Variants in DPP10 observed in about 807,000 individuals in gnomAD.
DPP10 encodes the protein dipeptidyl peptidase like 10.
Under a neutral mutation model 120.9 loss-of-function variants are expected in DPP10, and 33 were observed. The ratio of observed to expected loss-of-function variants is 0.27; its 90% CI spans 0.21 to 0.37. The LOEUF (loss-of-function observed/expected upper bound fraction) is 0.37. DPP10 is among the 10% of genes least tolerant of loss of function. DPP10 has a pLI of 1.00. For synonymous variants in DPP10, 337 were observed against 326.1 expected, an observed-to-expected ratio of 1.03 and a Z score of -0.36; for missense variants, 816 against 942.8, an observed-to-expected ratio of 0.87 and a Z score of 1.76.
intron 1 of DPP10, among the ~76,000 whole-genome samples, chr2:115,090,804 A>G (rs951656664): frequency 6.6e-6 from 1 of 151,950 alleles, no homozygotes; most frequent in Non-Finnish European, 1.5e-5. Flanking sequence ...GTCTCTGGTT[A>G]GAGGGCAGGT....
In DPP10 at chr2:115,844,505, G is replaced by A. The variant is rs919950265; in HGVS notation, c.*2160G>A. The A allele has an allele frequency of 1.3e-5, 2 of 152,378 alleles. No individual in the cohort carries two copies. The highest frequency in any genetic ancestry group is 2.4e-5 in the African/African-American group (1 of 41,432). 9.4% of individuals were successfully genotyped at this position (152,378 alleles called of 1,614,324 possible). A position where few individuals can be genotyped will look rare whatever the true frequency, so the allele number is the denominator to read the frequency against. On this transcript the variant is annotated 3_prime_UTR_variant, in exon 26 of 26. Coordinates refer to ENST00000410059, the MANE Select transcript of DPP10 (RefSeq NM_020868.6). ...ACCTCAAGTGAAAGCATATTGCTTAGTAGGAAGGTAGAAAATGTTAATCCC... is the reference window on the plus strand; with the variant it reads ...ACCTCAAGTGAAAGCATATTGCTTAATAGGAAGGTAGAAAATGTTAATCCC...
intron 1 of DPP10, among the ~76,000 whole-genome samples, chr2:114,815,630 C>G (rs1012059362): frequency 2.0e-5 from 3 of 152,196 alleles, no homozygotes; most frequent in Non-Finnish European, 4.4e-5. Context: ...GACCTTCTAA[C>G]AGTGGAATTT....
At chr2:115,039,944 C>T (rs1048736244) in intron 1 of DPP10, among the ~76,000 whole-genome samples, 2 of 151,684 alleles carry the variant, frequency 1.3e-5, no homozygotes, top group South Asian at 2.1e-4. Context: ...TTACATGGCC[C>T]ATACAGGAGG....
chr2:114,558,586 CA>C (rs1348781134), intron 1 of DPP10, among the ~76,000 whole-genome samples: 2 of 152,192 alleles, frequency 1.3e-5, no homozygotes, highest in Non-Finnish European at 2.9e-5. Flanking sequence ...TCTCTTCCAT[CA>C]AACAAAAAGC....
chr2:115,770,365 A>G (rs932955764), intron 13 of DPP10, among the ~76,000 whole-genome samples: 1 of 152,116 alleles, frequency 6.6e-6, no homozygotes, highest in Non-Finnish European at 1.5e-5. Flanking sequence ...AAAACTTAAT[A>G]AAGTTCTTAC....
chr2:114,477,328 C>A (rs187564349), intron 1 of DPP10, among the ~76,000 whole-genome samples: 1 of 152,076 alleles, frequency 6.6e-6, no homozygotes, highest in Admixed American at 6.6e-5. Context: ...TCCATACGTA[C>A]TTTTGGGTGT....
At chr2:115,249,164 G>A (rs947907315) in intron 1 of DPP10, among the ~76,000 whole-genome samples, 6 of 152,060 alleles carry the variant, frequency 3.9e-5, no homozygotes, top group East Asian at 1.9e-4. Context: ...GCACTGTGGC[G>A]ATACACAGAT....
chr2:114,964,366 T>C (rs1167934624), intron 1 of DPP10, among the ~76,000 whole-genome samples: 1 of 151,956 alleles, frequency 6.6e-6, no homozygotes, highest in African/African-American at 2.4e-5. Flanking sequence ...ACATTCAAAC[T>C]GGAGAAACGT....
intron 1 of DPP10, among the ~76,000 whole-genome samples, chr2:114,964,982 T>C (rs368915923): frequency 6.6e-6 from 1 of 152,120 alleles, no homozygotes; most frequent in East Asian, 1.9e-4. Context: ...ACTCAACAGG[T>C]TAGCTGGAGT....
At chr2:114,697,116 A>G (rs879885835) in intron 1 of DPP10, among the ~76,000 whole-genome samples, 1 of 152,094 alleles carries the variant, frequency 6.6e-6, no homozygotes, top group African/African-American at 2.4e-5. Context: ...GTCCTTCACT[A>G]ACACCTTTTT....
At chr2:115,097,016 T>C (rs1190460729) in intron 1 of DPP10, among the ~76,000 whole-genome samples, 1 of 152,180 alleles carries the variant, frequency 6.6e-6, no homozygotes, top group African/African-American at 2.4e-5. Flanking sequence ...TTGAGCAGAA[T>C]GACTGCCTAA....
Position 114,566,825 on chromosome 2 carries a change from G to A in DPP10, c.60+123987G>A, listed in dbSNP as rs142649804. Among the ~76,000 whole-genome samples the A allele has an allele frequency of 2.0e-5, 3 of 152,286 alleles. No homozygotes were observed. The East Asian group carries it at 5.8e-4, about 29-fold the overall frequency. ...CTTGGACAAGTTTTCCTCTGGAGCT[G>A]AGGCAGATTTCTTCTGTACAAAATT... On this transcript the variant is annotated intron_variant, in intron 1 of 25. Transcript: ENST00000410059.
At chr2:114,623,216 T>C (rs1052666344) in intron 1 of DPP10, among the ~76,000 whole-genome samples, 1 of 152,174 alleles carries the variant, frequency 6.6e-6, no homozygotes, top group Non-Finnish European at 1.5e-5. Flanking sequence ...TTAAATGCAC[T>C]GTAGAAATAA....
chr2:114,455,764 A>C (rs1678550331), intron 1 of DPP10, among the ~76,000 whole-genome samples: 1 of 151,010 alleles, frequency 6.6e-6, no homozygotes, highest in Admixed American at 6.6e-5. Context: ...ATGCTCAGTA[A>C]AGTAGTAAAA....
At chr2:114,523,080 T>C (rs1685207473) in intron 1 of DPP10, among the ~76,000 whole-genome samples, 1 of 152,164 alleles carries the variant, frequency 6.6e-6, no homozygotes, top group Admixed American at 6.5e-5. Context: ...TTGGGTACCA[T>C]GGTTATTGAG....
chr2:115,168,376 G>T (rs2053064978), intron 1 of DPP10, among the ~76,000 whole-genome samples: 1 of 152,106 alleles, frequency 6.6e-6, no homozygotes, highest in South Asian at 2.1e-4. Context: ...ACTTGTGCAA[G>T]GTCCAAAAAG....
intron 1 of DPP10, among the ~76,000 whole-genome samples, chr2:114,606,637 C>A: frequency 6.6e-6 from 1 of 152,082 alleles, no homozygotes. Context: ...CCATCTGGTG[C>A]CCAGAAGAAC....
intron 1 of DPP10, among the ~76,000 whole-genome samples, chr2:115,186,504 A>G (rs886849492): frequency 2.0e-5 from 3 of 152,164 alleles, no homozygotes; most frequent in South Asian, 2.1e-4. Context: ...CCTTGGTGGT[A>G]GTAGTGGAGG....
chr2:114,594,280 G>T (rs1307025236), intron 1 of DPP10, among the ~76,000 whole-genome samples: 1 of 151,880 alleles, frequency 6.6e-6, no homozygotes, highest in African/African-American at 2.4e-5. Flanking sequence ...TTGAGACTCG[G>T]ACTGGCTCTC....
Sources: allele counts gnomAD v4.1 joint callset (sites outside exome capture counted in the v4.1 genomes callset), GRCh38; gene constraint gnomAD v4.1.1; transcripts MANE v1.5; gene names NCBI Gene and HGNC (gene_info 2026-07-23, HGNC 2026-07-21).